Variants in PDXDC1 observed in about 807,000 individuals in gnomAD.
PDXDC1 encodes the protein pyridoxal-dependent decarboxylase domain-containing protein 1.
PDXDC1 carries 42 observed loss-of-function variants against 100.1 expected under a neutral mutation model. The observed-to-expected ratio is 0.42, with a 90% CI of 0.33 to 0.54. The LOEUF is 0.54. Among genes scored for constraint, PDXDC1 ranks in the 20% least tolerant of loss-of-function variants. The pLI is 0.10. For synonymous variants in PDXDC1, 260 were observed against 371.7 expected (o/e 0.70, Z 3.46); for missense variants, 636 against 979.2 (o/e 0.65, Z 4.68).
At position 15,063,361 on chromosome 16, in the gene PDXDC1, A is replaced by G. The variant is rs1237783878; in HGVS notation, c.1399+33305A>G. 4.8e-6 allele frequency: 5 copies of G among 1,045,894 alleles called. No individual in the cohort carries two copies. In the Admixed American group the frequency reaches 8.5e-5, roughly 18 times the overall value. 64.8% of individuals were successfully genotyped at this position (1,045,894 alleles called of 1,614,324 possible). On this transcript the variant is annotated intron_variant, in intron 16 of 16. Transcript: ENST00000535621. ...AAAATTGGTTTGGATCTTTTCTCAC[A>G]AGATCTATTACCCAAAACCAAGAAG...
intron 16 of PDXDC1, chr16:15,128,142 A>T (rs1198567562): frequency 6.2e-7 from 1 of 1,609,432 alleles, no homozygotes; most frequent in Admixed American, 1.7e-5. Context: ...AGCCCTGCAG[A>T]GGCGCGGGAG....
At chr16:15,028,856 C>T (rs1555566640) in intron 14 of PDXDC1, 22 bp from the exon 15 acceptor site, 1 of 1,610,520 alleles carries the variant, frequency 6.2e-7, no homozygotes, top group Admixed American at 1.7e-5. Flanking sequence ...GGAGTGACTC[C>T]CTTTCTGTGT....
chr16:15,064,320 C>T lies in PDXDC1; in HGVS notation c.1399+34264C>T, dbSNP rs188286964. Among the ~76,000 whole-genome samples the T allele has an allele frequency of 1.6e-3, 248 of 152,228 alleles. 2 individuals are homozygous for T. The highest frequency in any genetic ancestry group is 3.3e-3 in the Admixed American group (50 of 15,288). The stretch of plus-strand genomic sequence containing the variant: ...CCTCCCGAGTAGCTGGAATTACAGG[C>T]GCCACCACCACACCCAGCTAATTTT... On this transcript the variant is annotated intron_variant, in intron 16 of 16. Transcript: ENST00000535621.
intron 16 of PDXDC1, among the ~76,000 whole-genome samples, chr16:15,101,119 A>G (rs1297647463): frequency 6.6e-6 from 1 of 152,228 alleles, no homozygotes; most frequent in Non-Finnish European, 1.5e-5. Flanking sequence ...TTTTAGAGCT[A>G]TCGTAAGGAT....
intron 8 of PDXDC1, among the ~76,000 whole-genome samples, chr16:15,012,632 C>G (rs1291354306): frequency 6.6e-6 from 1 of 152,268 alleles, no homozygotes; most frequent in Non-Finnish European, 1.5e-5. Context: ...ATCAATTGCC[C>G]TCAGGTGTTC....
intron 16 of PDXDC1, chr16:15,103,497 G>C (rs1387463629): frequency 8.5e-6 from 5 of 588,930 alleles, no homozygotes; most frequent in South Asian, 2.0e-5. Flanking sequence ...TCTAATGTAA[G>C]TGATATTTAT....
intron 16 of PDXDC1, among the ~76,000 whole-genome samples, chr16:15,064,967 A>C (rs1037353276): frequency 2.6e-5 from 4 of 152,154 alleles, no homozygotes; most frequent in Middle Eastern, 3.2e-3. Flanking sequence ...GAGATCGAGA[A>C]CATCCCGGCT....
intron 16 of PDXDC1, chr16:15,133,040 C>T: frequency 4.4e-6 from 4 of 901,666 alleles, no homozygotes; most frequent in Non-Finnish European, 6.8e-6. Context: ...AGGGTAAGCA[C>T]ATGGGCCCTC....
chr16:15,128,096 C>T (rs1301438997), intron 16 of PDXDC1: 5 of 1,608,898 alleles, frequency 3.1e-6, no homozygotes, highest in African/African-American at 1.3e-5. Context: ...CTGCAGGTCC[C>T]TGATGATGAC....
chr16:15,054,397 C>T (rs1044545501), intron 16 of PDXDC1, among the ~76,000 whole-genome samples: 3 of 152,172 alleles, frequency 2.0e-5, no homozygotes, highest in Non-Finnish European at 2.9e-5. Flanking sequence ...GCCCGGGACA[C>T]CCATCTAACT....
chr16:15,058,357 T>C (rs1454372704), intron 16 of PDXDC1, among the ~76,000 whole-genome samples: 1 of 152,074 alleles, frequency 6.6e-6, no homozygotes, highest in East Asian at 1.9e-4. Flanking sequence ...TTCTTTAAGA[T>C]AGGAAACCAA....
chr16:15,020,309 A>G (rs1301255250), intron 12 of PDXDC1, among the ~76,000 whole-genome samples: 2 of 152,284 alleles, frequency 1.3e-5, no homozygotes, highest in Non-Finnish European at 2.9e-5. Flanking sequence ...GTCTGTTCAT[A>G]TAGTAAGTTA....
chr16:15,071,180 C>A (rs1397316127), intron 16 of PDXDC1: 1 of 1,611,050 alleles, frequency 6.2e-7, no homozygotes, highest in Non-Finnish European at 8.5e-7. Flanking sequence ...CAGCAGCCTG[C>A]CTGATGATGG....
chr16:15,076,801 A>G, intron 16 of PDXDC1: 4 of 626,446 alleles, frequency 6.4e-6, no homozygotes, highest in Non-Finnish European at 1.1e-5. Flanking sequence ...ATTATGGTGC[A>G]AGCCTGTAAA....
intron 1 of PDXDC1, among the ~76,000 whole-genome samples, chr16:14,984,404 T>C (rs1253323285): frequency 1.5e-3 from 1 of 668 alleles, no homozygotes; most frequent in South Asian, 0.12. Flanking sequence ...TTGTGTGGGT[T>C]TTTTTTTTTT....
intron 16 of PDXDC1, among the ~76,000 whole-genome samples, chr16:15,082,240 T>C (rs1203500520): frequency 2.0e-5 from 3 of 152,254 alleles, no homozygotes; most frequent in East Asian, 1.9e-4. Flanking sequence ...CTTTATCAGG[T>C]TGAGAAAATT....
rs565353805 is a variant in PDXDC1 at position 15,014,463 on chromosome 16, C to T, written c.728-1666C>T. Among the ~76,000 whole-genome samples the T allele has an allele frequency of 5.2e-5, 8 of 152,400 alleles. No homozygotes were observed. The East Asian group carries it at 9.6e-4, about 18-fold the overall frequency. ...GAAATACGAAAAGAGAATCTGCATG[C>T]GATCCAGGCACTAACACAGCAGTAC... On this transcript the variant is annotated intron_variant, in intron 8 of 22. Transcript: ENST00000396410.
chr16:15,136,104 C>G (rs935680643), intron 16 of PDXDC1: 19 of 1,576,384 alleles, frequency 1.2e-5, no homozygotes, highest in African/African-American at 2.7e-5. Flanking sequence ...GCTGCACAGT[C>G]GAGAAGCCGA....
chr16:15,069,535 G>C (rs1357187928), intron 16 of PDXDC1, among the ~76,000 whole-genome samples: 1 of 152,160 alleles, frequency 6.6e-6, no homozygotes, highest in Non-Finnish European at 1.5e-5. Context: ...AACAATACTG[G>C]TCAATTAAGT....
Sources: allele counts gnomAD v4.1 joint callset (sites outside exome capture counted in the v4.1 genomes callset), GRCh38; gene constraint gnomAD v4.1.1; transcripts MANE v1.5; gene names NCBI Gene and HGNC (gene_info 2026-07-23, HGNC 2026-07-21).